The following VPS13A variants were observed in gnomAD, a reference collection of about 807,000 sequenced individuals.
VPS13A encodes the protein vacuolar protein sorting 13 homolog A, also known as intermembrane lipid transfer protein VPS13A.
A neutral mutation model predicts 390.9 loss-of-function variants in VPS13A; 264 were observed. The ratio of observed to expected loss-of-function variants is 0.68; its 90% CI spans 0.61 to 0.75. VPS13A has a LOEUF of 0.75. VPS13A is among the 30% of genes least tolerant of loss of function. VPS13A has a pLI of 0.00. For missense variants in VPS13A, 3,409 were observed against 3,733.9 expected, an observed-to-expected ratio of 0.91 and a Z score of 2.27; for synonymous variants, 1,231 against 1,227.1, an observed-to-expected ratio of 1.00 and a Z score of -0.07.
At chr9:77,373,901 G>A (rs568523613) in intron 67 of VPS13A, among the ~76,000 whole-genome samples, 1 of 152,286 alleles carries the variant, frequency 6.6e-6, no homozygotes, top group South Asian at 2.1e-4. Context: ...TTAAGTTGCT[G>A]CCATTGCATT....
chr9:77,215,412 C>G (rs1230108443), intron 10 of VPS13A, among the ~76,000 whole-genome samples: 3 of 152,104 alleles, frequency 2.0e-5, no homozygotes, highest in African/African-American at 7.2e-5. Flanking sequence ...TGATTCTCTT[C>G]TCATAGGAAA....
At chr9:77,185,625 A>G (rs1824284130) in intron 1 of VPS13A, among the ~76,000 whole-genome samples, 1 of 152,156 alleles carries the variant, frequency 6.6e-6, no homozygotes, top group African/African-American at 2.4e-5. Flanking sequence ...TATCATATTT[A>G]TAGCTGTTTT....
In VPS13A at chr9:77,315,440, AG is replaced by A. The variant is rs747280535; in HGVS notation, c.4601del (p.Ser1534MetfsTer17). ...AYTTGTAVETSVQTWTAKEEV... is the reference protein window; with the variant it reads ...AYTTGTAVETXVQTWTAKEEV... ...CACCACAGGCACTGCTGTAGAAACC[AG>A]TGTGCAAACATGGACTGCTAAGGAA... On this transcript the variant is annotated frameshift_variant, in exon 38 of 72. Coordinates refer to ENST00000360280, the MANE Select transcript of VPS13A (RefSeq NM_033305.3). LOFTEE classifies it high-confidence loss of function. 1 of 1,613,988 alleles carries A rather than the reference AG, an allele frequency of 6.2e-7. No individual in the cohort carries two copies. Among genetic ancestry groups the A allele is most frequent in the South Asian group, 1.1e-5 (1 of 91,076 alleles).
chr9:77,240,452 C>T (rs1399578319), intron 19 of VPS13A, among the ~76,000 whole-genome samples: 1 of 145,168 alleles, frequency 6.9e-6, no homozygotes, highest in Non-Finnish European at 1.5e-5. Context: ...GGTGGCAAAT[C>T]TGTGGTTTGT....
intron 19 of VPS13A, among the ~76,000 whole-genome samples, chr9:77,243,714 C>G (rs1262783976): frequency 6.6e-6 from 1 of 152,032 alleles, no homozygotes; most frequent in Non-Finnish European, 1.5e-5. Context: ...TTTTAGGGAA[C>G]ATAGCAATGA....
Position 77,252,229 on chromosome 9 carries a change from A to C in VPS13A, c.2171-6A>C. On this transcript the variant is annotated splice_region_variant and splice_polypyrimidine_tract_variant and intron_variant, in intron 21 of 71. Coordinates refer to ENST00000360280, the MANE Select transcript of VPS13A (RefSeq NM_033305.3). Reference sequence around the variant, plus strand: ...ACGTTAAATATGAACTATTTTCTGTACTTAGGTGATAATTGGAGAGAAGCA... The same window carrying C: ...ACGTTAAATATGAACTATTTTCTGTCCTTAGGTGATAATTGGAGAGAAGCA... 6.3e-7 allele frequency: 1 copy of C among 1,595,928 alleles called. No homozygotes were observed.
At chr9:77,357,952 CTTTT>C (rs5898534) in intron 56 of VPS13A, 114 bp downstream of exon 56, 2,506 of 343,320 alleles carry the variant, frequency 7.3e-3, no homozygotes, top group Middle Eastern at 0.01. Context: ...TTGTGCTAGC[CTTTT>C]TTTTTTTTTT....
chr9:77,334,699 C>T (rs1830450985), intron 46 of VPS13A, among the ~76,000 whole-genome samples: 1 of 152,028 alleles, frequency 6.6e-6, no homozygotes, highest in African/African-American at 2.4e-5. Flanking sequence ...CTTGTTGGTA[C>T]ATAATAGGTC....
Position 77,368,505 on chromosome 9 carries a change from G to T in VPS13A, c.8553+369G>T, listed in dbSNP as rs562100194. 2.9e-4 allele frequency among the ~76,000 whole-genome samples: 44 copies of T among 151,486 alleles called. No individual in the cohort carries two copies. In the South Asian group the frequency reaches 9.1e-3, roughly 31 times the overall value. On this transcript the variant is annotated intron_variant, in intron 62 of 71. Coordinates refer to ENST00000360280, the MANE Select transcript of VPS13A (RefSeq NM_033305.3). ...GTGTAACTAGTTGTTAAGTCAGCCA[G>T]ATGTATTTTTTTAACAGATGTTTTT...
intron 19 of VPS13A, among the ~76,000 whole-genome samples, 189 bp downstream of exon 19, chr9:77,238,575 C>T (rs1004658475): frequency 7.2e-5 from 11 of 152,254 alleles, no homozygotes; most frequent in African/African-American, 2.4e-4. Flanking sequence ...TTTTTACACT[C>T]AGAAAGTTCA....
chr9:77,292,301 T>C (rs1293159652), intron 31 of VPS13A, among the ~76,000 whole-genome samples: 1 of 152,184 alleles, frequency 6.6e-6, no homozygotes, highest in Non-Finnish European at 1.5e-5. Context: ...CTATATTGTA[T>C]AGTATCTGAC....
In VPS13A at chr9:77,315,301, A is replaced by C; in HGVS notation, c.4461A>C (p.Ile1487=). ...TTGACAAAAAAGACATGATGGATATAAAGTACAGGAAAGTCAGAGATGGTT... is the reference window on the plus strand; with the variant it reads ...TTGACAAAAAAGACATGATGGATATCAAGTACAGGAAAGTCAGAGATGGTT... The part of the protein sequence containing the change: ...VGFDKKDMMD[I]KYRKVRDGCV... Residue 1487 remains isoleucine, a synonymous_variant, in exon 38 of 72, where the codon ATA becomes ATC. Coordinates refer to ENST00000360280, the MANE Select transcript of VPS13A (RefSeq NM_033305.3). 5 of 1,613,982 alleles carry C rather than the reference A, an allele frequency of 3.1e-6. No homozygotes were observed. Among genetic ancestry groups the C allele is most frequent in the Non-Finnish European group, 4.2e-6 (5 of 1,179,854 alleles).
chr9:77,353,471 T>G lies in VPS13A; in HGVS notation c.7482T>G (p.Gly2494=). The change falls in exon 54 of 72, where the codon GGT becomes GGG. Residue 2494 remains glycine (G), a synonymous_variant. Transcript: ENST00000360280. ...KTIYLVSFFE[G]LQRIILFTED... ...TATATTTAGTTTCATTCTTTGAAGG[T>G]TTACAACGCATTATTTTATTCACTG... 6.2e-7 allele frequency: 1 copy of G among 1,612,850 alleles called. No individual in the cohort carries two copies.
intron 68 of VPS13A, among the ~76,000 whole-genome samples, chr9:77,392,233 C>T (rs1224602535): frequency 6.6e-6 from 1 of 152,042 alleles, no homozygotes; most frequent in African/African-American, 2.4e-5. Context: ...GACATGATAA[C>T]AGTTTGTGAG....
At chr9:77,366,277 A>G (rs1440000276) in intron 60 of VPS13A, among the ~76,000 whole-genome samples, 1 of 152,066 alleles carries the variant, frequency 6.6e-6, no homozygotes, top group Non-Finnish European at 1.5e-5. Context: ...TAATAAAGTT[A>G]TTATAAAGAA....
rs1371013622 is a variant in VPS13A, at chr9:77,293,404, G to T, written c.3403G>T (p.Ala1135Ser). Residue 1135 changes from alanine to serine, a missense_variant, in exon 32 of 72, where the codon GCT (alanine) becomes TCT (serine). Coordinates refer to ENST00000360280, the MANE Select transcript of VPS13A (RefSeq NM_033305.3). ...FKMVSYMDAT[A>S]GSAYTDMNVV... Reference sequence around the variant, plus strand: ...AATGGTTTCTTACATGGATGCAACTGCTGGTTCTGCATACACAGATATGAA... The same window carrying T: ...AATGGTTTCTTACATGGATGCAACTTCTGGTTCTGCATACACAGATATGAA... 2.5e-6 allele frequency: 4 copies of T among 1,613,184 alleles called. No individual in the cohort carries two copies. The Admixed American group carries it at 5.0e-5, about 20-fold the overall frequency.
intron 52 of VPS13A, among the ~76,000 whole-genome samples, chr9:77,349,987 T>G (rs73449942): frequency 0.013 from 2,021 of 152,302 alleles, 33 homozygotes; most frequent in African/African-American, 0.033. Context: ...TTGTAATCAT[T>G]GTAATAACTA....
At chr9:77,286,263 ATGTTGG>A in intron 31 of VPS13A, among the ~76,000 whole-genome samples, 1 of 152,164 alleles carries the variant, frequency 6.6e-6, no homozygotes, top group Non-Finnish European at 1.5e-5. Context: ...GCTTGCAGGC[ATGTTGG>A]TCAGATGGGA....
intron 1 of VPS13A, among the ~76,000 whole-genome samples, chr9:77,191,856 G>A (rs1275433917): frequency 6.6e-6 from 1 of 152,136 alleles, no homozygotes; most frequent in Non-Finnish European, 1.5e-5. Flanking sequence ...CGTATATTCT[G>A]TTTTTGTTGG....
Sources: allele counts gnomAD v4.1 joint callset (sites outside exome capture counted in the v4.1 genomes callset), GRCh38; gene constraint gnomAD v4.1.1; transcripts MANE v1.5; gene names NCBI Gene and HGNC (gene_info 2026-07-23, HGNC 2026-07-21).